NR2C2: variants seen among roughly 807,000 people sequenced by gnomAD.
NR2C2 encodes the protein Nuclear hormone receptor TR4.
In NR2C2, 6 loss-of-function variants were observed where a neutral mutation model predicts 62.9. The ratio of observed to expected loss-of-function variants is 0.10; its 90% CI spans 0.05 to 0.19. The LOEUF is 0.19. Ranked by LOEUF, NR2C2 falls within the 10% of genes least tolerant of loss-of-function variation. The pLI, the probability that NR2C2 is intolerant of heterozygous loss-of-function variation, is 1.00. For missense variants in NR2C2, 479 were observed against 762.7 expected (o/e 0.63, Z 4.38); for synonymous variants, 272 against 273.8 (o/e 0.99, Z 0.07).
intron 1 of NR2C2, among the ~76,000 whole-genome samples, chr3:14,949,453 C>T (rs1034963556): frequency 3.3e-5 from 5 of 152,172 alleles, no homozygotes; most frequent in Admixed American, 1.3e-4. Context: ...AGTAATTGTC[C>T]ATTATCCCAC....
At chr3:15,015,434 TCA>T (rs1479131000) in intron 3 of NR2C2, among the ~76,000 whole-genome samples, 3 of 152,258 alleles carry the variant, frequency 2.0e-5, no homozygotes, top group Non-Finnish European at 4.4e-5. Context: ...ACCAGCTGCC[TCA>T]GTCGGAGTCC....
intron 1 of NR2C2, among the ~76,000 whole-genome samples, chr3:14,956,218 A>C (rs949134058): frequency 5.9e-5 from 9 of 152,128 alleles, no homozygotes; most frequent in African/African-American, 2.2e-4. Context: ...TTCATTTTCT[A>C]CTTTCAAGTC....
intron 1 of NR2C2, among the ~76,000 whole-genome samples, chr3:14,968,540 C>A (rs2039931915): frequency 6.6e-6 from 1 of 150,772 alleles, no homozygotes. Context: ...GTTGGTGGGA[C>A]TGTAAACTAG....
At chr3:15,028,423 C>T (rs1302707955) in intron 7 of NR2C2, among the ~76,000 whole-genome samples, 163 bp from the exon 8 acceptor site, 1 of 152,178 alleles carries the variant, frequency 6.6e-6, no homozygotes, top group Non-Finnish European at 1.5e-5. Context: ...CACCAAGATA[C>T]AGAACTGTTA....
intron 1 of NR2C2, among the ~76,000 whole-genome samples, chr3:14,978,286 A>G (rs2040265151): frequency 6.6e-6 from 1 of 152,156 alleles, no homozygotes; most frequent in South Asian, 2.1e-4. Context: ...ACAGAACCTC[A>G]TAGCTTAGTC....
rs1203039827 is a variant in NR2C2, at chr3:15,034,784, C to T, written c.1347C>T (p.Asn449=). 3 of 1,613,696 alleles carry T rather than the reference C, an allele frequency of 1.9e-6. No individual in the cohort carries two copies. The highest frequency in any genetic ancestry group is 2.2e-5 in the South Asian group (2 of 90,938). The change falls in exon 11 of 14, where the codon AAC becomes AAT. Residue 449 remains asparagine (N), a synonymous_variant. Transcript: ENST00000425241. ...CCACCATCCTGGCTGCCATTGTCAA[C>T]CACCTGCAGAACAGCATCCAGGAAG... ...SLSTILAAIV[N]HLQNSIQEDK...
intron 1 of NR2C2, among the ~76,000 whole-genome samples, chr3:14,987,610 C>T (rs1177540296): frequency 6.6e-6 from 1 of 152,134 alleles, no homozygotes; most frequent in Non-Finnish European, 1.5e-5. Context: ...TTCTTAATCT[C>T]CTTACTCGTA....
rs982561275 is a variant in NR2C2 at position 15,047,715 on chromosome 3, C to T, written c.*4707C>T. On this transcript the variant is annotated 3_prime_UTR_variant, in exon 14 of 14. Coordinates refer to ENST00000425241, the MANE Select transcript of NR2C2 (RefSeq NM_001291694.2). ...CTATCGCCAGTTAAAAATAAACAAC[C>T]TACCAAGTATTATTCTTTAAAACTA... 1 of 152,188 alleles carries T rather than the reference C, an allele frequency of 6.6e-6. No homozygotes were observed. The highest frequency in any genetic ancestry group is 2.4e-5 in the African/African-American group (1 of 41,436). 9.4% of individuals were successfully genotyped at this position (152,188 alleles called of 1,614,324 possible).
At position 15,020,737 on chromosome 3, in the gene NR2C2, C is replaced by A; in HGVS notation, c.377-16C>A. 1 of 1,611,914 alleles carries A rather than the reference C, an allele frequency of 6.2e-7. No homozygotes were observed. ...TATAGTCACAAAATATTTGTGTATT[C>A]TTTCTCCTGTTTCAGGCCGTCACTA... is the stretch of plus-strand genomic sequence containing the variant. On this transcript the variant is annotated splice_polypyrimidine_tract_variant and intron_variant, in intron 4 of 13. Coordinates refer to ENST00000425241, the MANE Select transcript of NR2C2 (RefSeq NM_001291694.2).
intron 7 of NR2C2, among the ~76,000 whole-genome samples, chr3:15,025,075 C>CA (rs2041786465): frequency 6.6e-6 from 1 of 152,352 alleles, no homozygotes; most frequent in South Asian, 2.1e-4. Context: ...GCAGGGGCCA[C>CA]ATGCATGATG....
chr3:15,022,326 A>T (rs972892133), intron 5 of NR2C2, among the ~76,000 whole-genome samples: 6 of 152,164 alleles, frequency 3.9e-5, no homozygotes, highest in African/African-American at 7.2e-5. Context: ...GTTCCTCTAC[A>T]AATTGTGGCA....
At chr3:14,958,611 A>T (rs1355347204) in intron 1 of NR2C2, among the ~76,000 whole-genome samples, 1 of 152,212 alleles carries the variant, frequency 6.6e-6, no homozygotes, top group African/African-American at 2.4e-5. Flanking sequence ...ACCAGCCAAG[A>T]AGGTTGTTTT....
chr3:14,967,748 C>G (rs2039898593), intron 1 of NR2C2, among the ~76,000 whole-genome samples: 1 of 152,138 alleles, frequency 6.6e-6, no homozygotes, highest in East Asian at 1.9e-4. Context: ...TACTACAAGG[C>G]TACAGTAACC....
intron 1 of NR2C2, among the ~76,000 whole-genome samples, chr3:14,988,158 A>G (rs2040561371): frequency 6.6e-6 from 1 of 152,242 alleles, no homozygotes; most frequent in Admixed American, 6.5e-5. Flanking sequence ...GCAGCTTGGA[A>G]CAACACCCAG....
Position 14,965,066 on chromosome 3 carries a change from T to A in NR2C2, c.-40+17160T>A, listed in dbSNP as rs2039800285. The stretch of plus-strand genomic sequence containing the variant: ...TGGCATGTGGTGGGGGAAGCCGGAA[T>A]ACCTGCAGAGAACCCATGCAGACAT... On this transcript the variant is annotated intron_variant, in intron 1 of 13. Coordinates refer to ENST00000425241, the MANE Select transcript of NR2C2 (RefSeq NM_001291694.2). Among the ~76,000 whole-genome samples, 3 of 152,128 alleles carry A rather than the reference T, an allele frequency of 2.0e-5. 1 individual carries two copies. The South Asian group carries it at 6.2e-4, about 31-fold the overall frequency.
intron 1 of NR2C2, among the ~76,000 whole-genome samples, chr3:14,964,724 G>GT (rs1386068281): frequency 6.6e-6 from 1 of 150,736 alleles, no homozygotes; most frequent in Non-Finnish European, 1.5e-5. Flanking sequence ...GGGTTTCACC[G>GT]TGTTAGCCAG....
intron 1 of NR2C2, among the ~76,000 whole-genome samples, chr3:14,967,526 G>C (rs1481589686): frequency 6.6e-6 from 1 of 151,872 alleles, no homozygotes. Flanking sequence ...TGTGAAATTT[G>C]ATTTTAAAAA....
intron 1 of NR2C2, among the ~76,000 whole-genome samples, chr3:14,969,165 T>A (rs1277097997): frequency 6.6e-6 from 1 of 151,642 alleles, no homozygotes; most frequent in African/African-American, 2.4e-5. Context: ...GAAAAAAAAA[T>A]TTCCCTCTAT....
chr3:15,041,052 C>A (rs2042247967), intron 13 of NR2C2, among the ~76,000 whole-genome samples: 1 of 152,028 alleles, frequency 6.6e-6, no homozygotes, highest in Non-Finnish European at 1.5e-5. Flanking sequence ...AGTCAGGGAC[C>A]CAGGGTTGGG....
Sources: allele counts gnomAD v4.1 joint callset (sites outside exome capture counted in the v4.1 genomes callset), GRCh38; gene constraint gnomAD v4.1.1; transcripts MANE v1.5; gene names NCBI Gene and HGNC (gene_info 2026-07-23, HGNC 2026-07-21).